ZMAT4: variants seen among roughly 807,000 people sequenced by gnomAD.
The protein encoded by ZMAT4 is zinc finger matrin-type 4.
A neutral mutation model predicts 28.7 loss-of-function variants in ZMAT4; 17 were observed. The observed-to-expected ratio is 0.59, with a 90% CI of 0.41 to 0.89. ZMAT4 has a LOEUF of 0.89. Ranked by LOEUF, ZMAT4 falls within the 40% of genes least tolerant of loss-of-function variation. The pLI, the probability that ZMAT4 is intolerant of heterozygous loss-of-function variation, is 0.00. For missense variants in ZMAT4, 240 were observed against 283.8 expected (o/e 0.85, Z 1.11); for synonymous variants, 117 against 109.2 (o/e 1.07, Z -0.44).
rs1406742029 is a variant in ZMAT4 at position 40,613,151 on chromosome 8, CCTTT to C, written c.578-31894_578-31891del. Among the ~76,000 whole-genome samples, 25 of 137,354 alleles carry C rather than the reference CCTTT, an allele frequency of 1.8e-4. 1 individual carries two copies. Among genetic ancestry groups the C allele is most frequent in the Non-Finnish European group, 3.1e-4 (20 of 64,946 alleles). The allele number at this position is 137,354 out of a possible 152,430, so 90.1% of individuals were successfully genotyped here. A position where few individuals can be genotyped will look rare whatever the true frequency, so the allele number is the denominator to read the frequency against. ...TCTAAACTTGAAATCTTTCACCTAC[CCTTT>C]CTTTCTTTCTTTCTTACTTTCTTTC... On this transcript the variant is annotated intron_variant, in intron 5 of 6. Coordinates refer to ENST00000297737, the MANE Select transcript of ZMAT4 (RefSeq NM_024645.3).
chr8:40,596,573 C>G (rs1226402840), intron 5 of ZMAT4, among the ~76,000 whole-genome samples: 1 of 152,156 alleles, frequency 6.6e-6, no homozygotes, highest in Non-Finnish European at 1.5e-5. Context: ...TCAGGATCAT[C>G]AGGACATCAC....
At chr8:40,722,622 T>C (rs1249845716) in intron 3 of ZMAT4, among the ~76,000 whole-genome samples, 20 of 152,200 alleles carry the variant, frequency 1.3e-4, no homozygotes, top group African/African-American at 2.4e-5. Context: ...ATATTCCTGC[T>C]CTTTTTTCTT....
intron 5 of ZMAT4, among the ~76,000 whole-genome samples, chr8:40,652,966 G>A (rs1044584135): frequency 6.6e-6 from 1 of 150,860 alleles, no homozygotes; most frequent in African/African-American, 2.4e-5. Flanking sequence ...ATAGCATTGG[G>A]AGATATACCT....
intron 4 of ZMAT4, among the ~76,000 whole-genome samples, chr8:40,695,970 A>C (rs1009936593): frequency 3.3e-5 from 5 of 151,982 alleles, no homozygotes; most frequent in Non-Finnish European, 5.9e-5. Flanking sequence ...AAAATTTTCC[A>C]GTGACTGTTT....
In ZMAT4 at chr8:40,674,789, AT is replaced by A; in HGVS notation, c.491del (p.Tyr164LeufsTer16). On this transcript the variant is annotated frameshift_variant, in exon 5 of 7. Transcript: ENST00000297737. LOFTEE classifies it high-confidence loss of function. ...CATTCTTTTTGTGTTTCTTGCCATCATAATGTTGCTGGGCCATCAGAGGGTT... is the reference window on the plus strand; with the variant it reads ...CATTCTTTTTGTGTTTCTTGCCATCAAATGTTGCTGGGCCATCAGAGGGTT... ...FNNPLMAQQHYDGKKHKKNAA... is the reference protein window; with the variant it reads ...FNNPLMAQQHXDGKKHKKNAA... 6.2e-7 allele frequency: 1 copy of A among 1,613,982 alleles called. No individual in the cohort carries two copies. The highest frequency in any genetic ancestry group is 8.5e-7 in the Non-Finnish European group (1 of 1,179,930).
chr8:40,858,463 G>T (rs1311957280), intron 1 of ZMAT4, among the ~76,000 whole-genome samples: 1 of 152,122 alleles, frequency 6.6e-6, no homozygotes, highest in Non-Finnish European at 1.5e-5. Context: ...CTTCCTTCTG[G>T]ATCCTAAGAT....
intron 5 of ZMAT4, among the ~76,000 whole-genome samples, chr8:40,632,788 A>G (rs899584692): frequency 2.6e-5 from 4 of 152,244 alleles, no homozygotes; most frequent in African/African-American, 9.6e-5. Flanking sequence ...TGTTATGGCA[A>G]CCTTAGCAAA....
At chr8:40,802,858 T>G (rs1285176842) in intron 2 of ZMAT4, among the ~76,000 whole-genome samples, 1 of 152,190 alleles carries the variant, frequency 6.6e-6, no homozygotes, top group Non-Finnish European at 1.5e-5. Flanking sequence ...AGTTTGGTAT[T>G]GGTGAAAGAA....
intron 3 of ZMAT4, among the ~76,000 whole-genome samples, chr8:40,754,997 G>A (rs1449243620): frequency 6.6e-6 from 1 of 152,056 alleles, no homozygotes; most frequent in African/African-American, 2.4e-5. Flanking sequence ...GCAACAGAGA[G>A]TGACCCTATC....
chr8:40,767,449 A>G (rs1221320224), intron 3 of ZMAT4, among the ~76,000 whole-genome samples, 192 bp downstream of exon 3: 1 of 152,128 alleles, frequency 6.6e-6, no homozygotes, highest in African/African-American at 2.4e-5. Context: ...CTCCAATACT[A>G]TATGGGCAAG....
At chr8:40,547,010 T>C (rs1803223796) in intron 6 of ZMAT4, among the ~76,000 whole-genome samples, 1 of 152,158 alleles carries the variant, frequency 6.6e-6, no homozygotes, top group East Asian at 1.9e-4. Context: ...AATGCAATCA[T>C]GATAAAGAGT....
intron 3 of ZMAT4, among the ~76,000 whole-genome samples, chr8:40,726,321 A>T (rs574526793): frequency 1.3e-5 from 2 of 152,372 alleles, no homozygotes; most frequent in South Asian, 4.1e-4. Flanking sequence ...TGGCATCAAG[A>T]TCGTGGGCTT....
At chr8:40,712,632 C>A (rs551003406) in intron 3 of ZMAT4, among the ~76,000 whole-genome samples, 9 of 152,312 alleles carry the variant, frequency 5.9e-5, no homozygotes, top group African/African-American at 2.2e-4. Context: ...TACCCACAAA[C>A]AGACAGGCTA....
At chr8:40,582,520 T>C (rs1006825213) in intron 5 of ZMAT4, among the ~76,000 whole-genome samples, 1 of 152,008 alleles carries the variant, frequency 6.6e-6, no homozygotes, top group African/African-American at 2.4e-5. Flanking sequence ...TATACAACAA[T>C]GTTTAGCAAA....
At chr8:40,544,735 C>T (rs1460658502) in intron 6 of ZMAT4, among the ~76,000 whole-genome samples, 4 of 152,130 alleles carry the variant, frequency 2.6e-5, no homozygotes, top group Non-Finnish European at 5.9e-5. Flanking sequence ...GGTTAGTAGA[C>T]CCCAGGAATT....
intron 6 of ZMAT4, among the ~76,000 whole-genome samples, chr8:40,545,415 G>A (rs1177217117): frequency 1.3e-5 from 2 of 152,106 alleles, no homozygotes; most frequent in African/African-American, 4.8e-5. Context: ...TGTTATGGTA[G>A]AATTATGCTC....
At chr8:40,820,989 ATG>A (rs891359225) in intron 2 of ZMAT4, among the ~76,000 whole-genome samples, 1 of 99,078 alleles carries the variant, frequency 1.0e-5, no homozygotes, top group African/African-American at 3.8e-5. Context: ...ATGTGTGTTT[ATG>A]TGTGTGTATG....
chr8:40,830,661 G>A (rs1816247875), intron 1 of ZMAT4, among the ~76,000 whole-genome samples: 1 of 152,108 alleles, frequency 6.6e-6, no homozygotes, highest in South Asian at 2.1e-4. Context: ...GTGTCTTTTG[G>A]GGTATCTGTG....
chr8:40,749,227 A>G (rs978607893), intron 3 of ZMAT4, among the ~76,000 whole-genome samples: 3 of 152,148 alleles, frequency 2.0e-5, no homozygotes, highest in African/African-American at 7.2e-5. Flanking sequence ...ATCCAATCAG[A>G]AAGAGGTTCA....
Sources: gnomAD v4.1 joint callset for allele counts (sites outside exome capture counted in the v4.1 genomes callset) on GRCh38, gnomAD v4.1.1 for gene constraint, MANE v1.5 for transcripts, NCBI Gene and HGNC (gene_info 2026-07-23, HGNC 2026-07-21) for gene names.